DLG2: variants seen among roughly 807,000 people sequenced by gnomAD.
DLG2 encodes disks large homolog 2.
DLG2 carries 45 observed loss-of-function variants against 132.5 expected under a neutral mutation model. The ratio of observed to expected loss-of-function variants is 0.34; its 90% CI spans 0.27 to 0.44. The LOEUF is 0.44. DLG2 is among the 20% of genes least tolerant of loss of function. The pLI is 1.00. For synonymous variants in DLG2, 424 were observed against 419.6 expected (o/e 1.01, Z -0.13); for missense variants, 1,045 against 1,196.9 (o/e 0.87, Z 1.87).
At chr11:83,894,212 G>A (rs779880485) in intron 15 of DLG2, among the ~76,000 whole-genome samples, 2 of 152,174 alleles carry the variant, frequency 1.3e-5, no homozygotes, top group Non-Finnish European at 2.9e-5. Flanking sequence ...ATTCAGCACT[G>A]TGCTAGGTAG....
At chr11:83,483,142 G>T in intron 22 of DLG2, 1 of 838,620 alleles carries the variant, frequency 1.2e-6, no homozygotes, top group Non-Finnish European at 2.0e-6. Context: ...AATAAAACTC[G>T]TATCTTGTGC....
At chr11:83,728,333 C>T (rs1031321385) in intron 18 of DLG2, among the ~76,000 whole-genome samples, 6 of 152,206 alleles carry the variant, frequency 3.9e-5, no homozygotes, top group Non-Finnish European at 8.8e-5. Context: ...CACAATTTTG[C>T]TTCCCTAATA....
At chr11:85,030,683 A>G (rs186350438) in intron 6 of DLG2, among the ~76,000 whole-genome samples, 1 of 152,278 alleles carries the variant, frequency 6.6e-6, no homozygotes, top group East Asian at 1.9e-4. Context: ...TTTTATCTTT[A>G]TAATCCATAT....
At chr11:84,284,080 C>T (rs2097882644) in intron 7 of DLG2, among the ~76,000 whole-genome samples, 1 of 151,982 alleles carries the variant, frequency 6.6e-6, no homozygotes. Context: ...CTAAAAATAA[C>T]AAAATTAGCC....
intron 3 of DLG2, among the ~76,000 whole-genome samples, chr11:85,357,289 T>TGTGTGTGTGTG (rs1565372889): frequency 9.7e-5 from 14 of 143,688 alleles, no homozygotes; most frequent in Admixed American, 1.4e-4. Context: ...TGTGTGTGTG[T>TGTGTGTGTGTG]TCATGCCATT....
rs74426631 is a variant in DLG2, at chr11:84,070,215, T to C, written c.750-10731A>G. 6.0e-4 allele frequency among the ~76,000 whole-genome samples: 92 copies of C among 152,324 alleles called. No homozygotes were observed. In the East Asian group the frequency reaches 0.016, roughly 27 times the overall value. On this transcript the variant is annotated intron_variant, in intron 10 of 27. Transcript: ENST00000376104. ...GTCACATAAGAAAAAATTAGCATCA[T>C]TGTATGACTTCTAAACCAACCCCCT...
intron 10 of DLG2, among the ~76,000 whole-genome samples, chr11:84,065,099 C>G (rs1346367582): frequency 6.6e-6 from 1 of 152,028 alleles, no homozygotes; most frequent in Non-Finnish European, 1.5e-5. Flanking sequence ...AATATAAAAC[C>G]TAAACATATA....
At chr11:84,836,148 T>C (rs935191358) in intron 6 of DLG2, among the ~76,000 whole-genome samples, 2 of 151,732 alleles carry the variant, frequency 1.3e-5, no homozygotes, top group South Asian at 2.1e-4. Context: ...TTTTACAAGA[T>C]TCCAGTAAGA....
chr11:85,141,145 C>T (rs1038368212), intron 5 of DLG2, among the ~76,000 whole-genome samples: 2 of 151,850 alleles, frequency 1.3e-5, no homozygotes, highest in African/African-American at 4.8e-5. Context: ...AATCTCCATA[C>T]TCCTCTCCAT....
intron 3 of DLG2, among the ~76,000 whole-genome samples, chr11:85,484,973 C>T (rs1379734106): frequency 3.3e-5 from 5 of 152,198 alleles, no homozygotes; most frequent in Non-Finnish European, 5.9e-5. Flanking sequence ...CAATCATAGA[C>T]TGGATTAAGA....
chr11:84,415,581 T>C (rs144320591), intron 7 of DLG2, among the ~76,000 whole-genome samples: 170 of 152,306 alleles, frequency 1.1e-3, no homozygotes, highest in African/African-American at 3.9e-3. Context: ...GAATGCATAT[T>C]GTCATAATTC....
chr11:83,817,323 G>T (rs2049307606), intron 17 of DLG2, among the ~76,000 whole-genome samples: 2 of 152,096 alleles, frequency 1.3e-5, no homozygotes, highest in South Asian at 4.1e-4. Context: ...TCTAAGATTT[G>T]AAGGATGAAT....
At chr11:83,880,260 C>T (rs1411367743) in intron 15 of DLG2, among the ~76,000 whole-genome samples, 1 of 152,086 alleles carries the variant, frequency 6.6e-6, no homozygotes, top group Non-Finnish European at 1.5e-5. Context: ...AAACCTGAAA[C>T]TATTCTGAAT....
intron 4 of DLG2, among the ~76,000 whole-genome samples, chr11:85,170,809 G>T (rs1165277860): frequency 2.0e-5 from 3 of 152,106 alleles, no homozygotes; most frequent in African/African-American, 7.2e-5. Flanking sequence ...AGAGAGACTT[G>T]CTGGGGATTT....
chr11:84,947,280 G>A (rs1023170817), intron 6 of DLG2, among the ~76,000 whole-genome samples: 1 of 152,090 alleles, frequency 6.6e-6, no homozygotes, highest in Non-Finnish European at 1.5e-5. Context: ...GGTAGGGGGC[G>A]ATCACTGGAG....
At chr11:84,775,388 C>A (rs563021387) in intron 6 of DLG2, among the ~76,000 whole-genome samples, 2 of 152,124 alleles carry the variant, frequency 1.3e-5, no homozygotes, top group Admixed American at 6.6e-5. Flanking sequence ...GAACTTAATA[C>A]AGAACTACTA....
chr11:83,909,886 CT>C (rs1265104775), intron 15 of DLG2, among the ~76,000 whole-genome samples: 1 of 152,152 alleles, frequency 6.6e-6, no homozygotes, highest in Non-Finnish European at 1.5e-5. Flanking sequence ...CTTGGGAAGA[CT>C]CTTCCTCTAC....
chr11:85,307,771 GCA>G (rs1334924184), intron 3 of DLG2, among the ~76,000 whole-genome samples: 19 of 152,188 alleles, frequency 1.2e-4, no homozygotes, highest in South Asian at 8.3e-4. Flanking sequence ...CTCTATTTAG[GCA>G]CAGTTTCATT....
chr11:84,247,688 T>G (rs2097320464), intron 8 of DLG2, among the ~76,000 whole-genome samples: 1 of 152,170 alleles, frequency 6.6e-6, no homozygotes, highest in Non-Finnish European at 1.5e-5. Context: ...CTTACCTTCC[T>G]TAATAAAAAG....
Sources: allele counts gnomAD v4.1 joint callset (sites outside exome capture counted in the v4.1 genomes callset), GRCh38; gene constraint gnomAD v4.1.1; transcripts MANE v1.5; gene names NCBI Gene and HGNC (gene_info 2026-07-23, HGNC 2026-07-21).